KCMF1: variants seen among roughly 807,000 people sequenced by gnomAD.
KCMF1 encodes potassium channel modulatory factor 1, also known as E3 ubiquitin-protein ligase KCMF1.
Under a neutral mutation model 41.1 loss-of-function variants are expected in KCMF1, and 3 were observed. The ratio of observed to expected loss-of-function variants is 0.07; its 90% CI spans 0.03 to 0.19. KCMF1 has a LOEUF of 0.19. Among genes scored for constraint, KCMF1 ranks in the 10% least tolerant of loss-of-function variants. KCMF1 has a pLI of 1.00. For synonymous variants in KCMF1, 142 were observed against 164.5 expected (o/e 0.86, Z 1.04); for missense variants, 286 against 488.9 (o/e 0.58, Z 3.91).
At chr2:84,975,175 G>A (rs1030757392) in intron 1 of KCMF1, among the ~76,000 whole-genome samples, 1 of 152,026 alleles carries the variant, frequency 6.6e-6, no homozygotes, top group Non-Finnish European at 1.5e-5. Context: ...CCAGGAGGTG[G>A]AGGTTGCAGT....
At chr2:85,007,369 T>A (rs1674498994) in intron 1 of KCMF1, among the ~76,000 whole-genome samples, 1 of 152,214 alleles carries the variant, frequency 6.6e-6, no homozygotes, top group African/African-American at 2.4e-5. Flanking sequence ...TCCCCGAGTT[T>A]CCAAGAGTCT....
Position 85,056,224 on chromosome 2 carries a change from C to T in KCMF1, c.*2815C>T, listed in dbSNP as rs1325260813. The T allele has an allele frequency of 6.6e-6, 1 of 151,934 alleles. No individual in the cohort carries two copies. The highest frequency in any genetic ancestry group is 6.6e-5 in the Admixed American group (1 of 15,246). 9.4% of individuals were successfully genotyped at this position (151,934 alleles called of 1,614,324 possible). ...GAGAAAACTTCTCTCCCTGTGGCCC[C>T]CAGAGAAATGAAGTAGGATAGCAGA... On this transcript the variant is annotated 3_prime_UTR_variant, in exon 7 of 7. Transcript: ENST00000409785.
chr2:85,049,238 C>CT (rs948600842), intron 5 of KCMF1, 128 bp from the exon 6 acceptor site: 4 of 884,204 alleles, frequency 4.5e-6, no homozygotes, highest in Admixed American at 4.9e-5. Flanking sequence ...AGCTCTTAAA[C>CT]TGTGTGCTGT....
intron 1 of KCMF1, among the ~76,000 whole-genome samples, chr2:85,021,783 G>A (rs571717766): frequency 1.3e-5 from 2 of 152,114 alleles, no homozygotes; most frequent in South Asian, 4.1e-4. Flanking sequence ...ATTGTTAATG[G>A]CTAAGTAATA....
chr2:85,020,089 C>T (rs980840051), intron 1 of KCMF1, among the ~76,000 whole-genome samples: 3 of 152,042 alleles, frequency 2.0e-5, no homozygotes, highest in Non-Finnish European at 2.9e-5. Flanking sequence ...AAGAGTAGAG[C>T]GAGCAAGGGA....
At chr2:84,985,538 C>T (rs1673879022) in intron 1 of KCMF1, among the ~76,000 whole-genome samples, 1 of 152,080 alleles carries the variant, frequency 6.6e-6, no homozygotes, top group South Asian at 2.1e-4. Context: ...GAATGTAAAA[C>T]CCTTGGGCCT....
chr2:85,055,523 A>G lies in KCMF1; in HGVS notation c.*2114A>G, dbSNP rs1035456982. ...CAGTTTAATTTAGATGATCACTTTT[A>G]ACACTGCAGAAGACCTAAGGAGTCA... is the stretch of plus-strand genomic sequence containing the variant. On this transcript the variant is annotated 3_prime_UTR_variant, in exon 7 of 7. Transcript: ENST00000409785. 1 of 152,216 alleles carries G rather than the reference A, an allele frequency of 6.6e-6. No individual in the cohort carries two copies. The highest frequency in any genetic ancestry group is 1.5e-5 in the Non-Finnish European group (1 of 68,036). 9.4% of individuals were successfully genotyped at this position (152,216 alleles called of 1,614,324 possible).
At chr2:84,997,701 G>A (rs954908327) in intron 1 of KCMF1, among the ~76,000 whole-genome samples, 2 of 151,990 alleles carry the variant, frequency 1.3e-5, no homozygotes, top group African/African-American at 4.8e-5. Flanking sequence ...TTGGGGTTGA[G>A]GGAGCACTTA....
chr2:84,982,244 TC>T (rs975130540), intron 1 of KCMF1, among the ~76,000 whole-genome samples: 1 of 152,182 alleles, frequency 6.6e-6, no homozygotes, highest in Non-Finnish European at 1.5e-5. Context: ...CTGTTCTTGT[TC>T]CACCAGTATT....
At chr2:85,043,339 G>A (rs1037105320) in intron 3 of KCMF1, among the ~76,000 whole-genome samples, 6 of 152,188 alleles carry the variant, frequency 3.9e-5, no homozygotes, top group African/African-American at 1.4e-4. Context: ...AGAAGGCCCT[G>A]CCAGAGATCA....
intron 3 of KCMF1, among the ~76,000 whole-genome samples, chr2:85,038,717 C>T (rs998543635): frequency 6.6e-6 from 1 of 151,956 alleles, no homozygotes; most frequent in African/African-American, 2.4e-5. Flanking sequence ...CATCACTCTT[C>T]TGTGGAAAAA....
chr2:85,056,270 G>C lies in KCMF1; in HGVS notation c.*2861G>C, dbSNP rs1675927249. ...GCAGATTACACTATTAGAAATAATA[G>C]ACGTAACAAAAAAAATCCAGCCCAT... On this transcript the variant is annotated 3_prime_UTR_variant, in exon 7 of 7. Coordinates refer to ENST00000409785, the MANE Select transcript of KCMF1 (RefSeq NM_020122.5). 6.6e-6 allele frequency: 1 copy of C among 151,994 alleles called. No homozygotes were observed. The highest frequency in any genetic ancestry group is 2.4e-5 in the African/African-American group (1 of 41,370). The allele number at this position is 151,994 out of a possible 1,614,324, so 9.4% of individuals were successfully genotyped here.
At chr2:85,031,468 A>T (rs1675265422) in intron 2 of KCMF1, among the ~76,000 whole-genome samples, 1 of 152,160 alleles carries the variant, frequency 6.6e-6, no homozygotes, top group African/African-American at 2.4e-5. Context: ...AACTTTAAGG[A>T]CATACAACCA....
At chr2:84,974,689 ATATTTTTT>A (rs1673499152) in intron 1 of KCMF1, among the ~76,000 whole-genome samples, 3 of 28,304 alleles carry the variant, frequency 1.1e-4, no homozygotes, top group Admixed American at 6.6e-4. Flanking sequence ...ATATATATAT[ATATTTTTT>A]TTTTTTTTTT....
chr2:85,009,085 A>G (rs1235080126), intron 1 of KCMF1, among the ~76,000 whole-genome samples: 2 of 152,050 alleles, frequency 1.3e-5, no homozygotes, highest in East Asian at 3.9e-4. Flanking sequence ...CCCCACCCAA[A>G]TCCCATCTCA....
At chr2:85,025,451 C>T (rs1675074536) in intron 1 of KCMF1, among the ~76,000 whole-genome samples, 1 of 152,124 alleles carries the variant, frequency 6.6e-6, no homozygotes, top group Admixed American at 6.6e-5. Context: ...GAACCATCAC[C>T]ACTGTCCATC....
At chr2:85,011,429 G>A (rs1674650517) in intron 1 of KCMF1, among the ~76,000 whole-genome samples, 1 of 152,128 alleles carries the variant, frequency 6.6e-6, no homozygotes, top group African/African-American at 2.4e-5. Flanking sequence ...CTGCTTCTGG[G>A]CCCTGTCACC....
In KCMF1 at chr2:84,998,972, G is replaced by A. The variant is rs868776026; in HGVS notation, c.16+27505G>A. On this transcript the variant is annotated intron_variant, in intron 1 of 6. Transcript: ENST00000409785. ...TATCTATCTATCTATCTATCTGTCT[G>A]TCTGTCTATCTACCTACCTATCTGT... Among the ~76,000 whole-genome samples, 43 of 118,736 alleles carry A rather than the reference G, an allele frequency of 3.6e-4. 1 individual carries two copies. The highest frequency in any genetic ancestry group is 8.1e-4 in the Admixed American group (9 of 11,050). 77.9% of individuals were successfully genotyped at this position (118,736 alleles called of 152,430 possible).
chr2:84,975,180 T>TCAC, intron 1 of KCMF1, among the ~76,000 whole-genome samples: 1 of 152,038 alleles, frequency 6.6e-6, no homozygotes, highest in East Asian at 1.9e-4. Context: ...AGGTGGAGGT[T>TCAC]GCAGTGAGCT....
Sources: allele counts gnomAD v4.1 joint callset (sites outside exome capture counted in the v4.1 genomes callset), GRCh38; gene constraint gnomAD v4.1.1; transcripts MANE v1.5; gene names NCBI Gene and HGNC (gene_info 2026-07-23, HGNC 2026-07-21).